The following OTULIN variants were observed in gnomAD, a reference collection of about 807,000 sequenced individuals.
The protein encoded by OTULIN is ubiquitin thioesterase otulin.
A neutral mutation model predicts 39.6 loss-of-function variants in OTULIN; 15 were observed. The ratio of observed to expected loss-of-function variants is 0.38; its 90% confidence interval spans 0.25 to 0.58. The LOEUF (loss-of-function observed/expected upper bound fraction) is 0.58, where lower values mean the gene tolerates loss of function less well. Among genes scored for constraint, OTULIN ranks in the 20% least tolerant of loss-of-function variants. The pLI is 0.66. For missense variants in OTULIN, 319 were observed against 445.9 expected, an observed-to-expected ratio of 0.72 and a Z score of 2.56; for synonymous variants, 156 against 170.3, an observed-to-expected ratio of 0.92 and a Z score of 0.65.
rs545617371 is a variant in OTULIN, at chr5:14,669,643, C to A, written c.153-3999C>A. Among the ~76,000 whole-genome samples, 9 of 152,214 alleles carry A rather than the reference C, an allele frequency of 5.9e-5. No homozygotes were observed. The East Asian group carries it at 1.7e-3, about 29-fold the overall frequency. On this transcript the variant is annotated intron_variant, in intron 1 of 6. Coordinates refer to ENST00000284274, the MANE Select transcript of OTULIN (RefSeq NM_138348.6). ...TAAAAATTAGCCAGATGTGGTGGTG[C>A]ATGCCTGTGGTCTCAGCTACTTGAG...
downstream of OTULIN, among the ~76,000 whole-genome samples, chr5:14,704,603 A>G (rs550104288): frequency 6.6e-6 from 1 of 152,326 alleles, no homozygotes; most frequent in African/African-American, 2.4e-5. Context: ...GGTTATATTT[A>G]AGTAAGACAG....
At position 14,696,403 on chromosome 5, in the gene OTULIN, C is replaced by G. The variant is rs1339042877; in HGVS notation, c.*3355C>G. ...AGCATAAACCATTGGGGAATCTTAA[C>G]TTGTAGACATGCAGTAAAAGAAATG... On this transcript the variant is annotated 3_prime_UTR_variant, in exon 7 of 7. Coordinates refer to ENST00000284274, the MANE Select transcript of OTULIN (RefSeq NM_138348.6). 6.6e-6 allele frequency: 1 copy of G among 152,180 alleles called. No individual in the cohort carries two copies. Among genetic ancestry groups the G allele is most frequent in the Non-Finnish European group, 1.5e-5 (1 of 68,034 alleles). 9.4% of individuals were successfully genotyped at this position (152,180 alleles called of 1,614,324 possible).
chr5:14,671,919 C>T (rs897935051), intron 1 of OTULIN, among the ~76,000 whole-genome samples: 8 of 152,080 alleles, frequency 5.3e-5, no homozygotes, highest in African/African-American at 1.7e-4. Context: ...GGTGAATACT[C>T]TTACTGCCCT....
At chr5:14,702,948 TC>T (rs1236527049), downstream of OTULIN, among the ~76,000 whole-genome samples, 1 of 152,168 alleles carries the variant, frequency 6.6e-6, no homozygotes, top group African/African-American at 2.4e-5. Context: ...CTGAAGCACT[TC>T]CATGTGGCTT....
intron 1 of OTULIN, among the ~76,000 whole-genome samples, chr5:14,669,409 A>G (rs1735928869): frequency 6.6e-6 from 1 of 152,232 alleles, no homozygotes; most frequent in Non-Finnish European, 1.5e-5. Context: ...GAACTTGAAA[A>G]TATACACTTT....
At chr5:14,675,973 C>A (rs1053968070) in intron 2 of OTULIN, among the ~76,000 whole-genome samples, 1 of 152,170 alleles carries the variant, frequency 6.6e-6, no homozygotes, top group Non-Finnish European at 1.5e-5. Context: ...TGGTGGCTTT[C>A]GTGCATAGTA....
At chr5:14,689,760 A>T (rs1457917265) in intron 5 of OTULIN, among the ~76,000 whole-genome samples, 3 of 152,174 alleles carry the variant, frequency 2.0e-5, no homozygotes, top group Non-Finnish European at 4.4e-5. Flanking sequence ...TGGCTGGTTC[A>T]ATCTCATTGC....
At chr5:14,680,138 G>A (rs25945) in intron 3 of OTULIN, among the ~76,000 whole-genome samples, 141,053 of 152,278 alleles carry the variant, frequency 0.93, 65,408 homozygotes, top group Middle Eastern at 0.97. Context: ...GAAAGGTACA[G>A]CTGCAGTTGG....
Position 14,678,730 on chromosome 5 carries a change from A to G in OTULIN, c.279A>G (p.Lys93=). 2 of 1,609,916 alleles carry G rather than the reference A, an allele frequency of 1.2e-6. No individual in the cohort carries two copies. The highest frequency in any genetic ancestry group is 2.2e-5 in the South Asian group (2 of 89,476). ...AAATGGATATCATGGACTACTGCAA[A>G]AAAGAATGGAGAGGAAATACACAGA... ...APEMDIMDYC[K]KEWRGNTQKA... Residue 93 remains lysine (K), a synonymous_variant, in exon 3 of 7, where the codon AAA becomes AAG. Coordinates refer to ENST00000284274, the MANE Select transcript of OTULIN (RefSeq NM_138348.6).
At chr5:14,682,225 TC>T (rs2126313859) in intron 4 of OTULIN, among the ~76,000 whole-genome samples, 1 of 152,340 alleles carries the variant, frequency 6.6e-6, no homozygotes, top group South Asian at 2.1e-4. Flanking sequence ...TGATAGACTA[TC>T]CTGAAAGATT....
At chr5:14,707,489 T>TA in the OTULIN span, 2 of 152,200 alleles carry the variant, frequency 1.3e-5, no homozygotes, top group African/African-American at 4.8e-5. Context: ...TTTTGAGAGT[T>TA]ACGATATGTA....
intron 3 of OTULIN, among the ~76,000 whole-genome samples, chr5:14,679,769 G>C (rs1018042636): frequency 2.0e-5 from 3 of 152,232 alleles, no homozygotes; most frequent in African/African-American, 7.2e-5. Context: ...GTAAAGCTCT[G>C]AGAGCAGATG....
At chr5:14,711,001 C>A in the OTULIN span, 1 of 616,580 alleles carries the variant, frequency 1.6e-6, no homozygotes. Flanking sequence ...CAGTAAAGAC[C>A]ATTCACTAGG....
chr5:14,670,358 C>T (rs1355563630), intron 1 of OTULIN, among the ~76,000 whole-genome samples: 1 of 152,128 alleles, frequency 6.6e-6, no homozygotes, highest in African/African-American at 2.4e-5. Flanking sequence ...TTCATTGTGT[C>T]ATTGTTTTCA....
At chr5:14,713,816 C>T in the OTULIN span, 3 of 1,157,290 alleles carry the variant, frequency 2.6e-6, no homozygotes, top group Non-Finnish European at 3.8e-6. The surrounding 1 kb of genome is among the most constrained non-coding windows in gnomAD (Gnocchi z 4.4). Context: ...ATCTTCCTGC[C>T]AGGGTTCCCC....
chr5:14,711,266 A>G, the OTULIN span: 4 of 1,614,078 alleles, frequency 2.5e-6, no homozygotes, highest in Non-Finnish European at 3.4e-6. Context: ...CTGTCATGGC[A>G]GAGTCTTCCC....
At chr5:14,712,825 CACCCA>C in the OTULIN span, 1 of 1,535,986 alleles carries the variant, frequency 6.5e-7, no homozygotes, top group South Asian at 1.2e-5. Flanking sequence ...GGTTCTCCTG[CACCCA>C]GGAGGATGCA....
the OTULIN span, chr5:14,713,409 C>G: frequency 7.6e-7 from 1 of 1,316,126 alleles, no homozygotes; most frequent in Non-Finnish European, 1.1e-6. The surrounding 1 kb of genome is among the most constrained non-coding windows in gnomAD (Gnocchi z 4.4). Context: ...CCTGGGCAGA[C>G]ACACAAAACA....
Position 14,695,841 on chromosome 5 carries a change from T to C in OTULIN, c.*2793T>C, listed in dbSNP as rs1272872173. 6.6e-6 allele frequency: 1 copy of C among 152,234 alleles called. No homozygotes were observed. Among genetic ancestry groups the C allele is most frequent in the Non-Finnish European group, 1.5e-5 (1 of 68,028 alleles). The allele number at this position is 152,234 out of a possible 1,614,324, so 9.4% of individuals were successfully genotyped here. ...TGTTTGCAGTTCCTCTTCCGTAGAA[T>C]ACAGAGTGGATGAAAATGTTTTCAA... On this transcript the variant is annotated 3_prime_UTR_variant, in exon 7 of 7. Coordinates refer to ENST00000284274, the MANE Select transcript of OTULIN (RefSeq NM_138348.6).
Sources: gnomAD v4.1 joint callset for allele counts (sites outside exome capture counted in the v4.1 genomes callset) on GRCh38, gnomAD v4.1.1 for gene constraint, Gnocchi (gnomAD v3.1) non-coding constraint, MANE v1.5 for transcripts, NCBI Gene and HGNC (gene_info 2026-07-23, HGNC 2026-07-21) for gene names.